The following CLEC1A variants were observed in gnomAD, a reference collection of about 807,000 sequenced individuals.
The protein encoded by CLEC1A is C-type lectin domain family 1 member A, also known as C-type lectin-like receptor-1.
CLEC1A carries 34 observed loss-of-function variants against 28.7 expected under a neutral mutation model. The ratio of observed to expected loss-of-function variants is 1.18; its 90% CI spans 0.90 to 1.57. The LOEUF (loss-of-function observed/expected upper bound fraction) is 1.57. Ranked by LOEUF, CLEC1A falls within the 40% of genes most tolerant of loss-of-function variation. The pLI is 0.00. For synonymous variants in CLEC1A, 116 were observed against 121.0 expected, an observed-to-expected ratio of 0.96 and a Z score of 0.27; for missense variants, 385 against 339.5, an observed-to-expected ratio of 1.13 and a Z score of -1.05.
chr12:10,097,049 C>T (rs1417565696), intron 1 of CLEC1A, among the ~76,000 whole-genome samples: 1 of 152,128 alleles, frequency 6.6e-6, no homozygotes, highest in Non-Finnish European at 1.5e-5. Flanking sequence ...GACATTATAT[C>T]CTCAGTACTA....
chr12:10,093,373 G>A (rs368830228), intron 1 of CLEC1A, among the ~76,000 whole-genome samples: 239 of 130,572 alleles, frequency 1.8e-3, no homozygotes, highest in Non-Finnish European at 2.4e-3. Flanking sequence ...GATATATATA[G>A]AAAAAAAAAA....
At chr12:10,078,376 T>G (rs1866298071) in intron 3 of CLEC1A, among the ~76,000 whole-genome samples, 1 of 152,202 alleles carries the variant, frequency 6.6e-6, no homozygotes, top group Non-Finnish European at 1.5e-5. Flanking sequence ...ACATTCATGT[T>G]TTAAGGCTCT....
chr12:10,076,320 G>C (rs964746913), intron 3 of CLEC1A, among the ~76,000 whole-genome samples: 1 of 152,162 alleles, frequency 6.6e-6, no homozygotes, highest in Non-Finnish European at 1.5e-5. Context: ...TGGGTCTGTA[G>C]TGGGATGAGA....
chr12:10,090,524 A>G (rs1866595458), intron 1 of CLEC1A, among the ~76,000 whole-genome samples: 1 of 152,138 alleles, frequency 6.6e-6, no homozygotes, highest in South Asian at 2.1e-4. Flanking sequence ...CCCGCCTCCC[A>G]AAGTGCTGGG....
chr12:10,080,317 C>A (rs369444419), intron 3 of CLEC1A, among the ~76,000 whole-genome samples: 17 of 152,046 alleles, frequency 1.1e-4, no homozygotes, highest in Admixed American at 2.6e-4. Flanking sequence ...CATCTCCCCC[C>A]ACCCCCAAAA....
intron 1 of CLEC1A, among the ~76,000 whole-genome samples, chr12:10,092,782 T>C (rs1947724038): frequency 6.6e-6 from 1 of 152,164 alleles, no homozygotes; most frequent in Non-Finnish European, 1.5e-5. Context: ...AGATTGCCTC[T>C]AGGGCAGAAA....
chr12:10,098,670 C>A, intron 1 of CLEC1A, 138 bp downstream of exon 1: 8 of 560,802 alleles, frequency 1.4e-5, no homozygotes, highest in East Asian at 3.0e-5. Context: ...AAAAAAAAAT[C>A]ACTACTATGT....
chr12:10,080,480 G>GGT (rs1249734386), intron 3 of CLEC1A, among the ~76,000 whole-genome samples: 1 of 152,164 alleles, frequency 6.6e-6, no homozygotes, highest in Non-Finnish European at 1.5e-5. Flanking sequence ...GGTGGGAAGT[G>GGT]GTGTGTGTAT....
At chr12:10,092,302 G>C (rs988281343) in intron 1 of CLEC1A, 2 of 202,436 alleles carry the variant, frequency 9.9e-6, no homozygotes, top group Admixed American at 1.2e-4. Flanking sequence ...CTTTGGGCCA[G>C]GAGTTCGAGA....
chr12:10,071,099 T>C lies in CLEC1A; in HGVS notation c.*234A>G. On this transcript the variant is annotated 3_prime_UTR_variant, in exon 6 of 6. Transcript: ENST00000315330. ...TAAGCCAAGAAGGCAGATGACATTATGGGTTTCTGAGGTTGGTTGGTGGCA... is the reference window on the plus strand; with the variant it reads ...TAAGCCAAGAAGGCAGATGACATTACGGGTTTCTGAGGTTGGTTGGTGGCA... 5.4e-6 allele frequency: 2 copies of C among 370,540 alleles called. No individual in the cohort carries two copies. Among genetic ancestry groups the C allele is most frequent in the East Asian group, 4.5e-5 (1 of 22,410 alleles). The allele number at this position is 370,540 out of a possible 1,614,324, so 23.0% of individuals were successfully genotyped here.
At chr12:10,091,810 A>G (rs763971592) in intron 1 of CLEC1A, among the ~76,000 whole-genome samples, 5 of 152,162 alleles carry the variant, frequency 3.3e-5, no homozygotes, top group Non-Finnish European at 7.4e-5. Context: ...GCCCACCACC[A>G]TGGTGATTTT....
chr12:10,090,112 A>G (rs1866582153), intron 1 of CLEC1A, among the ~76,000 whole-genome samples: 1 of 151,626 alleles, frequency 6.6e-6, no homozygotes, highest in Non-Finnish European at 1.5e-5. Context: ...TGAAACAAAG[A>G]GAGAGTGAAA....
chr12:10,081,306 T>C lies in CLEC1A; in HGVS notation c.322A>G (p.Ile108Val), dbSNP rs763201759. The change falls in exon 3 of 6, where the codon ATA becomes GTA. Residue 108 changes from isoleucine (I) to valine (V), a missense_variant. Transcript: ENST00000315330. ...QELQSLQVQN[I>V]KLAGSLQHVA... ...TGCTGCAGACTTCCTGCAAGCTTTA[T>C]ATTCTGGACTTGAAGAGATTGCAAC... 5 of 1,613,426 alleles carry C rather than the reference T, an allele frequency of 3.1e-6. No homozygotes were observed. The Admixed American group carries it at 6.7e-5, about 22-fold the overall frequency.
intron 3 of CLEC1A, among the ~76,000 whole-genome samples, chr12:10,077,401 C>T (rs1339711194): frequency 2.6e-5 from 4 of 151,788 alleles, no homozygotes; most frequent in African/African-American, 7.3e-5. Flanking sequence ...AGAGTGAGAC[C>T]CTGTTTTCCC....
At position 10,070,409 on chromosome 12, in the gene CLEC1A, A is replaced by G. The variant is rs895394781; in HGVS notation, c.*924T>C. On this transcript the variant is annotated 3_prime_UTR_variant, in exon 6 of 6. Coordinates refer to ENST00000315330, the MANE Select transcript of CLEC1A (RefSeq NM_016511.4). ...AGGCACAATCAAAATAATGACCGCT[A>G]TCATATTTTGAAAAGCATTTCCATG... is the stretch of plus-strand genomic sequence containing the variant. 2.6e-5 allele frequency: 4 copies of G among 152,366 alleles called. No homozygotes were observed. Among genetic ancestry groups the G allele is most frequent in the Admixed American group, 2.6e-4 (4 of 15,298 alleles). The allele number at this position is 152,366 out of a possible 1,614,324, so 9.4% of individuals were successfully genotyped here. A position where few individuals can be genotyped will look rare whatever the true frequency, so the allele number is the denominator to read the frequency against.
At chr12:10,078,173 T>C (rs1213709112) in intron 3 of CLEC1A, among the ~76,000 whole-genome samples, 1 of 152,162 alleles carries the variant, frequency 6.6e-6, no homozygotes, top group South Asian at 2.1e-4. Flanking sequence ...AGAATGTAGA[T>C]TAAGCCTTTA....
intron 4 of CLEC1A, among the ~76,000 whole-genome samples, chr12:10,073,906 A>T (rs1487514256): frequency 6.6e-6 from 1 of 152,246 alleles, no homozygotes; most frequent in African/African-American, 2.4e-5. Context: ...AGAAATTTTT[A>T]AATTTCTATC....
chr12:10,080,288 A>C (rs1866340270), intron 3 of CLEC1A, among the ~76,000 whole-genome samples: 1 of 152,126 alleles, frequency 6.6e-6, no homozygotes, highest in Non-Finnish European at 1.5e-5. Context: ...CTTCCAGCCT[A>C]GGCAACAGAG....
chr12:10,096,010 T>A (rs1039354847), intron 1 of CLEC1A, among the ~76,000 whole-genome samples: 1 of 152,124 alleles, frequency 6.6e-6, no homozygotes, highest in African/African-American at 2.4e-5. Context: ...CCCTCAGTGA[T>A]CTCACTCACT....
Sources: gnomAD v4.1 joint callset for allele counts (sites outside exome capture counted in the v4.1 genomes callset) on GRCh38, gnomAD v4.1.1 for gene constraint, MANE v1.5 for transcripts, NCBI Gene and HGNC (gene_info 2026-07-23, HGNC 2026-07-21) for gene names.